Variants in OSBPL3 observed in about 807,000 individuals in gnomAD.
OSBPL3 encodes oxysterol-binding protein-related protein 3.
OSBPL3 carries 65 observed loss-of-function variants against 120.1 expected under a neutral mutation model. The observed-to-expected ratio is 0.54, with a 90% CI of 0.44 to 0.67. The LOEUF is 0.67. Among genes scored for constraint, OSBPL3 ranks in the 30% least tolerant of loss-of-function variants. The pLI is 0.00. For synonymous variants in OSBPL3, 416 were observed against 402.6 expected (o/e 1.03, Z -0.40); for missense variants, 1,004 against 1,082.1 (o/e 0.93, Z 1.01).
Position 24,808,367 on chromosome 7 carries a change from C to T in OSBPL3, c.2317+1440G>A, listed in dbSNP as rs1793331390. 6.6e-6 allele frequency among the ~76,000 whole-genome samples: 1 copy of T among 152,176 alleles called. No homozygotes were observed. The highest frequency in any genetic ancestry group is 1.5e-5 in the Non-Finnish European group (1 of 68,032). ...TTCTTAAAGATGGGCCAGGGATGCTCACTGCCATTAGAGAGACATAAAGTC... is the reference window on the plus strand; with the variant it reads ...TTCTTAAAGATGGGCCAGGGATGCTTACTGCCATTAGAGAGACATAAAGTC... On this transcript the variant is annotated intron_variant, in intron 20 of 22. Transcript: ENST00000313367. This position sits in a 1 kb window ranked among gnomAD's most constrained non-coding sequence, Gnocchi z 4.6.
intron 1 of OSBPL3, chr7:24,917,956 C>T: frequency 9.9e-6 from 3 of 303,208 alleles, no homozygotes; most frequent in Non-Finnish European, 1.5e-5. Flanking sequence ...GCAACACTTA[C>T]CCATTTACCA....
chr7:24,853,297 C>T (rs1465858468), intron 10 of OSBPL3, among the ~76,000 whole-genome samples: 1 of 152,190 alleles, frequency 6.6e-6, no homozygotes. Context: ...GGACCATGTG[C>T]CTCTAGGTAA....
rs151149253 is a variant in OSBPL3 at position 24,834,108 on chromosome 7, G to C, written c.1746+378C>G. 4.0e-6 allele frequency: 4 copies of C among 999,038 alleles called. No individual in the cohort carries two copies. The highest frequency in any genetic ancestry group is 1.2e-4 in the Admixed American group (2 of 16,470). The allele number at this position is 999,038 out of a possible 1,614,324, so 61.9% of individuals were successfully genotyped here. On this transcript the variant is annotated intron_variant, in intron 15 of 22. Transcript: ENST00000313367. The surrounding 1 kb of genome is among the most constrained non-coding windows in gnomAD (Gnocchi z 5.2). ...TTACCCTGGATGAGAAAAACAGCTCGAGAAATTAAATTCTGTCCACCCAGG... is the reference window on the plus strand; with the variant it reads ...TTACCCTGGATGAGAAAAACAGCTCCAGAAATTAAATTCTGTCCACCCAGG...
At chr7:24,909,276 A>G (rs1808420920) in intron 1 of OSBPL3, among the ~76,000 whole-genome samples, 1 of 152,194 alleles carries the variant, frequency 6.6e-6, no homozygotes, top group African/African-American at 2.4e-5. Flanking sequence ...AGAGGCTTTC[A>G]CTTCTAGCAT....
Position 24,900,357 on chromosome 7 carries a change from G to C in OSBPL3, c.-149-7736C>G, listed in dbSNP as rs1806810471. On this transcript the variant is annotated intron_variant, in intron 1 of 22. Transcript: ENST00000313367. This position sits in a 1 kb window ranked among gnomAD's most constrained non-coding sequence, Gnocchi z 4.5. The stretch of plus-strand genomic sequence containing the variant: ...TATTTAGAAGTTTGGTGATGTTTTT[G>C]TGACCAGAAATATGCCACAGGAAAC... Among the ~76,000 whole-genome samples, 1 of 152,150 alleles carries C rather than the reference G, an allele frequency of 6.6e-6. No individual in the cohort carries two copies. The highest frequency in any genetic ancestry group is 1.5e-5 in the Non-Finnish European group (1 of 68,044).
At position 24,818,057 on chromosome 7, in the gene OSBPL3, C is replaced by T. The variant is rs999680375; in HGVS notation, c.1949-1369G>A. On this transcript the variant is annotated intron_variant, in intron 17 of 22. Transcript: ENST00000313367. The surrounding 1 kb of genome is among the most constrained non-coding windows in gnomAD (Gnocchi z 4.0). ...GTGAGAGAGGTGGGTCTGGGACCAG[C>T]GAGCACAGTGGGCCTCATATTGTTT... Among the ~76,000 whole-genome samples the T allele has an allele frequency of 3.3e-5, 5 of 152,092 alleles. No individual in the cohort carries two copies. The highest frequency in any genetic ancestry group is 1.9e-4 in the East Asian group (1 of 5,200).
intron 17 of OSBPL3, among the ~76,000 whole-genome samples, 180 bp from the exon 18 acceptor site, chr7:24,816,868 G>T (rs556343999): frequency 6.6e-6 from 1 of 152,310 alleles, no homozygotes; most frequent in African/African-American, 2.4e-5. Flanking sequence ...CCTTGGAGCA[G>T]AATCAGGGAA....
At chr7:24,911,711 G>T (rs1192835812) in intron 1 of OSBPL3, among the ~76,000 whole-genome samples, 14 of 152,168 alleles carry the variant, frequency 9.2e-5, no homozygotes, top group Admixed American at 9.2e-4. Context: ...ATAATTCCTT[G>T]TAAGAGAATC....
chr7:24,807,609 A>G (rs1276553775), intron 20 of OSBPL3, among the ~76,000 whole-genome samples: 3 of 152,168 alleles, frequency 2.0e-5, no homozygotes, highest in Admixed American at 6.5e-5. Context: ...AAGTGATGTC[A>G]AATTCTCTTG....
intron 1 of OSBPL3, among the ~76,000 whole-genome samples, chr7:24,978,799 CA>C (rs1360553621): frequency 1.3e-5 from 2 of 152,238 alleles, no homozygotes; most frequent in Non-Finnish European, 2.9e-5. Context: ...CACCTCTGCG[CA>C]GTACGCAGAC....
At chr7:24,950,004 A>G (rs963154906) in intron 1 of OSBPL3, among the ~76,000 whole-genome samples, 2 of 152,242 alleles carry the variant, frequency 1.3e-5, no homozygotes, top group South Asian at 4.1e-4. Context: ...AAATATGTTT[A>G]TAAGTCAACA....
intron 1 of OSBPL3, among the ~76,000 whole-genome samples, chr7:24,934,999 C>T (rs775112708): frequency 6.6e-6 from 1 of 152,040 alleles, no homozygotes; most frequent in Admixed American, 6.6e-5. Flanking sequence ...TTCCTTTAAG[C>T]CCCCTTTCAA....
At position 24,932,331 on chromosome 7, in the gene OSBPL3, A is replaced by G. The variant is rs936282361; in HGVS notation, c.-149-39710T>C. Among the ~76,000 whole-genome samples the G allele has an allele frequency of 2.0e-5, 3 of 152,166 alleles. No individual in the cohort carries two copies. The highest frequency in any genetic ancestry group is 4.4e-5 in the Non-Finnish European group (3 of 68,024). ...CGGTCAAGTTTCAAGCTGTGCGCCC[A>G]GGGGTCTGAGATAGGTTAGAATGCA... is the stretch of plus-strand genomic sequence containing the variant. On this transcript the variant is annotated intron_variant, in intron 1 of 22. Transcript: ENST00000313367. This position sits in a 1 kb window ranked among gnomAD's most constrained non-coding sequence, Gnocchi z 5.6.
rs1316148936 is a variant in OSBPL3 at position 24,813,398 on chromosome 7, G to A, written c.2172+1661C>T. Among the ~76,000 whole-genome samples, 1 of 152,194 alleles carries A rather than the reference G, an allele frequency of 6.6e-6. No homozygotes were observed. The highest frequency in any genetic ancestry group is 1.5e-5 in the Non-Finnish European group (1 of 68,038). On this transcript the variant is annotated intron_variant, in intron 19 of 22. Transcript: ENST00000313367. This position sits in a 1 kb window ranked among gnomAD's most constrained non-coding sequence, Gnocchi z 4.5. ...CTGCATGTAAGTGAATGAGAACAAG[G>A]TAGGTGGTAGATATGGGAGTGGAGC...
chr7:24,970,553 C>A (rs972676210), intron 1 of OSBPL3, among the ~76,000 whole-genome samples: 3 of 152,024 alleles, frequency 2.0e-5, no homozygotes, highest in African/African-American at 7.3e-5. Flanking sequence ...AAAGATGGAT[C>A]AATATATAGA....
intron 1 of OSBPL3, among the ~76,000 whole-genome samples, chr7:24,895,662 C>G (rs1316798543): frequency 6.6e-6 from 1 of 152,110 alleles, no homozygotes; most frequent in African/African-American, 2.4e-5. Context: ...GGGCTGGGGT[C>G]ACCAGAGAGG....
At position 24,930,242 on chromosome 7, in the gene OSBPL3, C is replaced by T. The variant is rs1811616560; in HGVS notation, c.-149-37621G>A. 6.6e-6 allele frequency among the ~76,000 whole-genome samples: 1 copy of T among 151,958 alleles called. No individual in the cohort carries two copies. Among genetic ancestry groups the T allele is most frequent in the African/African-American group, 2.4e-5 (1 of 41,372 alleles). ...CAAAACTGAAGGAAACTAGTTTTTT[C>T]AGTTCCAAGGAAATATGCACTAAAA... is the stretch of plus-strand genomic sequence containing the variant. On this transcript the variant is annotated intron_variant, in intron 1 of 22. Coordinates refer to ENST00000313367, the MANE Select transcript of OSBPL3 (RefSeq NM_015550.4). The surrounding 1 kb of genome is among the most constrained non-coding windows in gnomAD (Gnocchi z 4.4).
rs1415813822 is a variant in OSBPL3, at chr7:24,877,491, C to G, written c.97-5422G>C. ...AAACCTCCTCCCTGGATGACAGTCA[C>G]CTTGCACTGTCAGCCTCCCTAGCTA... On this transcript the variant is annotated intron_variant, in intron 2 of 22. Transcript: ENST00000313367. The surrounding 1 kb of genome is among the most constrained non-coding windows in gnomAD (Gnocchi z 4.8). 5.3e-5 allele frequency among the ~76,000 whole-genome samples: 8 copies of G among 152,134 alleles called. No individual in the cohort carries two copies. Among genetic ancestry groups the G allele is most frequent in the African/African-American group, 1.9e-4 (8 of 41,410 alleles).
At position 24,822,517 on chromosome 7, in the gene OSBPL3, G is replaced by A. The variant is rs1391338255; in HGVS notation, c.1885-2279C>T. Among the ~76,000 whole-genome samples, 3 of 152,134 alleles carry A rather than the reference G, an allele frequency of 2.0e-5. No homozygotes were observed. The highest frequency in any genetic ancestry group is 7.2e-5 in the African/African-American group (3 of 41,426). On this transcript the variant is annotated intron_variant, in intron 16 of 22. Coordinates refer to ENST00000313367, the MANE Select transcript of OSBPL3 (RefSeq NM_015550.4). The surrounding 1 kb of genome is among the most constrained non-coding windows in gnomAD (Gnocchi z 5.8). ...AGCTGGCATGACCCACTATGAAATG[G>A]AAGGAAAGCTATGAAATGTTCCTCT...
Sources: gnomAD v4.1 joint callset for allele counts (sites outside exome capture counted in the v4.1 genomes callset) on GRCh38, gnomAD v4.1.1 for gene constraint, Gnocchi (gnomAD v3.1) non-coding constraint, MANE v1.5 for transcripts, NCBI Gene and HGNC (gene_info 2026-07-23, HGNC 2026-07-21) for gene names.